PLCB1: variants seen among roughly 807,000 people sequenced by gnomAD.
The protein encoded by PLCB1 is 1-phosphatidylinositol 4,5-bisphosphate phosphodiesterase beta-1.
PLCB1 carries 46 observed loss-of-function variants against 161.8 expected under a neutral mutation model. The ratio of observed to expected loss-of-function variants is 0.28; its 90% CI spans 0.22 to 0.36. The LOEUF is 0.36. Among genes scored for constraint, PLCB1 ranks in the 10% least tolerant of loss-of-function variants. The pLI, the probability that PLCB1 is intolerant of heterozygous loss-of-function variation, is 1.00. For synonymous variants in PLCB1, 517 were observed against 503.7 expected, an observed-to-expected ratio of 1.03 and a Z score of -0.35; for missense variants, 1,016 against 1,472.5, an observed-to-expected ratio of 0.69 and a Z score of 5.07.
chr20:8,638,735 T>A (rs1432911092), intron 4 of PLCB1, among the ~76,000 whole-genome samples: 1 of 152,186 alleles, frequency 6.6e-6, no homozygotes, highest in Admixed American at 6.5e-5. Flanking sequence ...TTAACAAGCA[T>A]ATATTACACC....
At chr20:8,320,812 A>G (rs1188025445) in intron 2 of PLCB1, among the ~76,000 whole-genome samples, 1 of 138,562 alleles carries the variant, frequency 7.2e-6, no homozygotes, top group African/African-American at 2.6e-5. Context: ...AAAGAAAGAA[A>G]GAAAGGGAGG....
chr20:8,226,188 G>C lies in PLCB1; in HGVS notation c.177+75817G>C, dbSNP rs984285978. ...TGTTGATGATCTTCACTGTTGCTTC[G>C]AGCCATAAGCTTACCTTTCACTGTG... is the stretch of plus-strand genomic sequence containing the variant. On this transcript the variant is annotated intron_variant, in intron 2 of 31. Transcript: ENST00000338037. 7.2e-5 allele frequency among the ~76,000 whole-genome samples: 11 copies of C among 152,062 alleles called. 1 individual carries two copies. The highest frequency in any genetic ancestry group is 6.6e-5 in the Admixed American group (1 of 15,252).
At chr20:8,420,837 T>TTC (rs1979508989) in intron 3 of PLCB1, among the ~76,000 whole-genome samples, 1 of 152,168 alleles carries the variant, frequency 6.6e-6, no homozygotes, top group Admixed American at 6.5e-5. Context: ...AGTATATCTG[T>TTC]GAGAGTAGCA....
chr20:8,261,102 C>T (rs1199757046), intron 2 of PLCB1, among the ~76,000 whole-genome samples: 1 of 152,150 alleles, frequency 6.6e-6, no homozygotes, highest in Admixed American at 6.6e-5. Context: ...TGTCAAGCTC[C>T]TTCTACTGCC....
intron 2 of PLCB1, among the ~76,000 whole-genome samples, chr20:8,274,393 T>A (rs1982428698): frequency 6.6e-6 from 1 of 152,184 alleles, no homozygotes; most frequent in Non-Finnish European, 1.5e-5. Context: ...GTTTTAATAT[T>A]GATTGCCTCT....
At chr20:8,837,156 C>T (rs1316559994) in intron 31 of PLCB1, among the ~76,000 whole-genome samples, 2 of 152,062 alleles carry the variant, frequency 1.3e-5, no homozygotes, top group East Asian at 3.9e-4. Context: ...CCTGCATCAC[C>T]AGAGGAAACT....
intron 31 of PLCB1, among the ~76,000 whole-genome samples, chr20:8,826,856 G>A (rs1011741531): frequency 7.9e-5 from 12 of 152,188 alleles, no homozygotes; most frequent in Non-Finnish European, 2.9e-5. Flanking sequence ...TTAAATAATA[G>A]TGATTTTATG....
chr20:8,801,920 G>A, intron 31 of PLCB1: 1 of 679,956 alleles, frequency 1.5e-6, no homozygotes. Flanking sequence ...AGCAGATAAA[G>A]GCAAACAGAG....
At chr20:8,639,520 A>G (rs1988873464) in intron 4 of PLCB1, among the ~76,000 whole-genome samples, 3 of 152,212 alleles carry the variant, frequency 2.0e-5, no homozygotes, top group Admixed American at 6.5e-5. Context: ...CATTCCCTAC[A>G]GTAAAAGGAA....
chr20:8,171,436 A>T (rs187009267), intron 2 of PLCB1, among the ~76,000 whole-genome samples: 1 of 152,094 alleles, frequency 6.6e-6, no homozygotes, highest in Non-Finnish European at 1.5e-5. Flanking sequence ...AGAGGTACTG[A>T]TTTAGGTTAC....
chr20:8,783,822 CT>C (rs1983353037), intron 27 of PLCB1, among the ~76,000 whole-genome samples: 1 of 152,118 alleles, frequency 6.6e-6, no homozygotes, highest in Admixed American at 6.5e-5. Context: ...TGGGGAAAAC[CT>C]TGTTTGGGTC....
At chr20:8,611,543 C>G (rs1381218149) in intron 3 of PLCB1, among the ~76,000 whole-genome samples, 12 of 152,062 alleles carry the variant, frequency 7.9e-5, no homozygotes, top group Admixed American at 7.9e-4. Context: ...CCTTTCAGTT[C>G]TAAAAACATG....
intron 3 of PLCB1, among the ~76,000 whole-genome samples, chr20:8,601,965 A>G (rs1035860675): frequency 6.6e-6 from 1 of 152,238 alleles, no homozygotes; most frequent in Middle Eastern, 3.4e-3. Flanking sequence ...TGCAGCACCA[A>G]CACCTTCACC....
At chr20:8,379,501 G>C (rs1279305727) in intron 3 of PLCB1, among the ~76,000 whole-genome samples, 2 of 152,060 alleles carry the variant, frequency 1.3e-5, no homozygotes, top group Non-Finnish European at 2.9e-5. Flanking sequence ...GGTGTTTCTG[G>C]TTCTAGATCC....
At chr20:8,223,686 A>G (rs555589639) in intron 2 of PLCB1, among the ~76,000 whole-genome samples, 3 of 152,168 alleles carry the variant, frequency 2.0e-5, no homozygotes, top group Non-Finnish European at 4.4e-5. Flanking sequence ...TGTAGAATTC[A>G]AAAAGAGCAT....
At chr20:8,294,798 C>T (rs1313993705) in intron 2 of PLCB1, among the ~76,000 whole-genome samples, 7 of 151,696 alleles carry the variant, frequency 4.6e-5, no homozygotes, top group Non-Finnish European at 1.0e-4. Context: ...ATATACCCTG[C>T]CAAAAGCCTA....
At chr20:8,574,879 T>C (rs761008) in intron 3 of PLCB1, among the ~76,000 whole-genome samples, 136,852 of 152,232 alleles carry the variant, frequency 0.9, 61,742 homozygotes, top group East Asian at 1. Context: ...AGAAAAGATA[T>C]AAAGGCTGAT....
In PLCB1 at chr20:8,257,825, G is replaced by A. The variant is rs552397096; in HGVS notation, c.177+107454G>A. ...CTCTGCCAGGGGCCTGAGAGACAGA[G>A]ATAAAGGACAAAGACACTGTTCCCA... is the stretch of plus-strand genomic sequence containing the variant. On this transcript the variant is annotated intron_variant, in intron 2 of 31. Coordinates refer to ENST00000338037, the MANE Select transcript of PLCB1 (RefSeq NM_015192.4). Among the ~76,000 whole-genome samples, 32 of 152,222 alleles carry A rather than the reference G, an allele frequency of 2.1e-4. No homozygotes were observed. The South Asian group carries it at 6.6e-3, about 32-fold the overall frequency.
At chr20:8,482,882 G>T (rs1982566072) in intron 3 of PLCB1, among the ~76,000 whole-genome samples, 1 of 144,708 alleles carries the variant, frequency 6.9e-6, no homozygotes, top group Non-Finnish European at 1.5e-5. Flanking sequence ...AATGTAAGCA[G>T]GGCAGGCAGT....
Sources: allele counts gnomAD v4.1 joint callset (sites outside exome capture counted in the v4.1 genomes callset), GRCh38; gene constraint gnomAD v4.1.1; transcripts MANE v1.5; gene names NCBI Gene and HGNC (gene_info 2026-07-23, HGNC 2026-07-21).